Variants in WDPCP observed in about 807,000 individuals in gnomAD.
The protein encoded by WDPCP is WD repeat containing planar cell polarity effector.
In WDPCP, 71 loss-of-function variants were observed where a neutral mutation model predicts 93.1. The observed-to-expected ratio is 0.76, with a 90% confidence interval of 0.63 to 0.93. The LOEUF (loss-of-function observed/expected upper bound fraction) is 0.93, where lower values mean the gene tolerates loss of function less well. WDPCP is among the 40% of genes least tolerant of loss of function. The probability of loss-of-function intolerance (pLI) is 0.00; values close to 1 mark genes in which losing one functional copy is unlikely to be tolerated. For synonymous variants in WDPCP, 315 were observed against 315.0 expected, an observed-to-expected ratio of 1.00 and a Z score of 0.00; for missense variants, 844 against 887.4, an observed-to-expected ratio of 0.95 and a Z score of 0.62.
chr2:63,414,192 G>A (rs184369391), intron 9 of WDPCP, among the ~76,000 whole-genome samples: 47 of 152,282 alleles, frequency 3.1e-4, no homozygotes, highest in Non-Finnish European at 6.2e-4. Context: ...TGTTGGCATG[G>A]ATGCAGTGAT....
At chr2:63,579,552 G>A (rs1044018249) in intron 1 of WDPCP, among the ~76,000 whole-genome samples, 3 of 152,148 alleles carry the variant, frequency 2.0e-5, no homozygotes, top group African/African-American at 7.2e-5. Context: ...AGAGGTTGTG[G>A]TGAGTCAACA....
At chr2:63,455,824 C>A (rs1339358414) in intron 6 of WDPCP, among the ~76,000 whole-genome samples, 1 of 152,092 alleles carries the variant, frequency 6.6e-6, no homozygotes, top group Non-Finnish European at 1.5e-5. Context: ...GACTTTAGAC[C>A]AAACCTAACA....
intron 13 of WDPCP, among the ~76,000 whole-genome samples, chr2:63,293,611 A>C (rs1428168820): frequency 6.6e-6 from 1 of 152,210 alleles, no homozygotes; most frequent in African/African-American, 2.4e-5. Flanking sequence ...AAATCTGCTC[A>C]AAGACTTAAA....
rs148466844 is a variant in WDPCP, at chr2:63,151,838, G to A, written c.2190+1076C>T. 1.8e-3 allele frequency among the ~76,000 whole-genome samples: 275 copies of A among 152,242 alleles called. 2 individuals carry two copies. The highest frequency in any genetic ancestry group is 6.2e-3 in the African/African-American group (258 of 41,560). ...AAAAGAGCTTCATAAAAATCCCGTG[G>A]AGTGTGTGGCATTATCTCTATTTTA... On this transcript the variant is annotated intron_variant, in intron 17 of 17. Transcript: ENST00000272321.
At chr2:63,840,336 G>T in the WDPCP span, among the ~76,000 whole-genome samples, 4 of 152,222 alleles carry the variant, frequency 2.6e-5, no homozygotes, top group Non-Finnish European at 4.4e-5. Flanking sequence ...AGGACTTCAA[G>T]AATCTACCAA....
chr2:63,223,848 T>C (rs1053590843), intron 14 of WDPCP, among the ~76,000 whole-genome samples: 1 of 152,100 alleles, frequency 6.6e-6, no homozygotes, highest in Non-Finnish European at 1.5e-5. Context: ...CATATGGCCA[T>C]ACTATATATG....
chr2:63,689,100 C>A (rs1203417931), intron 2 of WDPCP, among the ~76,000 whole-genome samples: 1 of 152,154 alleles, frequency 6.6e-6, no homozygotes, highest in Non-Finnish European at 1.5e-5. Flanking sequence ...CTGTGGTATT[C>A]TGTTTTAACA....
At chr2:63,222,556 C>T (rs1317369410) in intron 14 of WDPCP, among the ~76,000 whole-genome samples, 5 of 152,150 alleles carry the variant, frequency 3.3e-5, no homozygotes, top group Non-Finnish European at 5.9e-5. Context: ...GGAAGCAGTA[C>T]ATTTGGTTAG....
In WDPCP at chr2:63,357,011, T is replaced by A. The variant is rs180972417; in HGVS notation, c.1748+21375A>T. On this transcript the variant is annotated intron_variant, in intron 12 of 17. Transcript: ENST00000272321. ...TCTAACCTCCAACAAAGGACAAATA[T>A]AAGCAATGGGGAAGAGAGTATCTAT... Among the ~76,000 whole-genome samples the A allele has an allele frequency of 1.2e-3, 178 of 152,132 alleles. 2 individuals are homozygous for A. The highest frequency in any genetic ancestry group is 4.0e-3 in the African/African-American group (164 of 41,512).
chr2:63,225,069 A>G (rs938484348), intron 14 of WDPCP, among the ~76,000 whole-genome samples: 2 of 151,346 alleles, frequency 1.3e-5, no homozygotes, highest in Non-Finnish European at 3.0e-5. Context: ...AAAAAAAAAA[A>G]GAAACCTATT....
chr2:63,636,349 CA>C (rs1299137598), intron 3 of WDPCP, among the ~76,000 whole-genome samples: 1 of 152,118 alleles, frequency 6.6e-6, no homozygotes, highest in Non-Finnish European at 1.5e-5. Context: ...ATAGTAAAAA[CA>C]ATATTAAAAT....
intron 1 of WDPCP, among the ~76,000 whole-genome samples, chr2:63,556,397 A>C (rs920083855): frequency 6.6e-6 from 1 of 152,226 alleles, no homozygotes; most frequent in Non-Finnish European, 1.5e-5. Context: ...AGAGATAAGG[A>C]GAATGGAACC....
chr2:63,410,658 A>G (rs1365714433), intron 9 of WDPCP, among the ~76,000 whole-genome samples: 1 of 152,214 alleles, frequency 6.6e-6, no homozygotes. Flanking sequence ...CACTTAACAC[A>G]TAAGGACTCA....
chr2:63,820,786 G>A (rs561888196), intron 1 of WDPCP, among the ~76,000 whole-genome samples: 5 of 151,612 alleles, frequency 3.3e-5, no homozygotes, highest in African/African-American at 9.7e-5. Flanking sequence ...TGCTTTATAC[G>A]CTTTCAAATT....
At chr2:63,351,183 T>C (rs868492418) in intron 12 of WDPCP, among the ~76,000 whole-genome samples, 29 of 152,156 alleles carry the variant, frequency 1.9e-4, no homozygotes, top group Middle Eastern at 3.4e-3. Context: ...GGTTTTACCA[T>C]GTTGGTCAGG....
chr2:63,490,636 G>A (rs973446086), intron 2 of WDPCP, among the ~76,000 whole-genome samples: 5 of 152,140 alleles, frequency 3.3e-5, no homozygotes, highest in African/African-American at 1.2e-4. Context: ...AGTTGGGGTT[G>A]AAGACTATTC....
intron 2 of WDPCP, among the ~76,000 whole-genome samples, chr2:63,810,688 T>C (rs989336876): frequency 6.6e-5 from 10 of 152,224 alleles, no homozygotes; most frequent in African/African-American, 2.4e-4. Flanking sequence ...GAATTCAAAT[T>C]TATTCCATAT....
chr2:63,220,547 G>T (rs2421916), intron 14 of WDPCP, among the ~76,000 whole-genome samples: 97,110 of 151,826 alleles, frequency 0.64, 31,405 homozygotes, highest in African/African-American at 0.72. Flanking sequence ...CTGAGTCGTT[G>T]TAGTTTTTTT....
intron 2 of WDPCP, among the ~76,000 whole-genome samples, chr2:63,719,510 T>C (rs909049957): frequency 3.2e-4 from 48 of 152,232 alleles, no homozygotes; most frequent in African/African-American, 1.1e-3. Flanking sequence ...AAAACAATCA[T>C]GGTGAGAAAT....
Sources: gnomAD v4.1 joint callset for allele counts (sites outside exome capture counted in the v4.1 genomes callset) on GRCh38, gnomAD v4.1.1 for gene constraint, MANE v1.5 for transcripts, NCBI Gene and HGNC (gene_info 2026-07-23, HGNC 2026-07-21) for gene names.